MEAK7: variants seen among roughly 807,000 people sequenced by gnomAD.
MEAK7 encodes the protein MTOR associated protein MEAK7.
A neutral mutation model predicts 40.5 loss-of-function variants in MEAK7; 68 were observed. The ratio of observed to expected loss-of-function variants is 1.68; its 90% CI spans 1.38 to 2.06. The LOEUF is 2.06. MEAK7 is among the 30% of genes most tolerant of loss of function. The pLI is 0.00. For synonymous variants in MEAK7, 338 were observed against 231.9 expected, an observed-to-expected ratio of 1.46 and a Z score of -4.16; for missense variants, 918 against 580.5, an observed-to-expected ratio of 1.58 and a Z score of -5.98.
At chr16:84,489,978 G>C (rs1367203563) in intron 3 of MEAK7, among the ~76,000 whole-genome samples, 2 of 152,120 alleles carry the variant, frequency 1.3e-5, no homozygotes, top group Admixed American at 6.5e-5. Flanking sequence ...CCACTCCTAG[G>C]AAAGTAGATG....
At chr16:84,482,768 G>A (rs1173147528) in intron 5 of MEAK7, 58 bp from the exon 6 acceptor site, 3 of 1,599,724 alleles carry the variant, frequency 1.9e-6, no homozygotes, top group Non-Finnish European at 1.7e-6. Context: ...GTCCCACAGG[G>A]CCGGAAATGC....
At chr16:84,486,605 T>A (rs1913079142) in intron 5 of MEAK7, 26 bp downstream of exon 5, 2 of 1,568,382 alleles carry the variant, frequency 1.3e-6, no homozygotes, top group Non-Finnish European at 1.7e-6. Context: ...GTGCCACTCG[T>A]CAAGGTTCAG....
At chr16:84,488,116 T>C (rs1913254646) in intron 4 of MEAK7, 2 of 152,210 alleles carry the variant, frequency 1.3e-5, no homozygotes, top group East Asian at 1.9e-4. Flanking sequence ...TCATTACCTA[T>C]ATATTACTTG....
In MEAK7 at chr16:84,491,520, C is replaced by T. The variant is rs533577896; in HGVS notation, c.385-2098G>A. Among the ~76,000 whole-genome samples, 9 of 126,140 alleles carry T rather than the reference C, an allele frequency of 7.1e-5. No homozygotes were observed. In the East Asian group the frequency reaches 7.2e-4, roughly 10 times the overall value. 82.8% of individuals were successfully genotyped at this position (126,140 alleles called of 152,430 possible). On this transcript the variant is annotated intron_variant, in intron 3 of 7. Transcript: ENST00000343629. ...TGCCACTGCACTCCAGACTGGGCAA[C>T]GGAGCGAGACCCTGTCTTAAAAAAA...
At chr16:84,497,836 T>TG in intron 2 of MEAK7, 98 bp downstream of exon 2, 1 of 1,538,408 alleles carries the variant, frequency 6.5e-7, no homozygotes. Flanking sequence ...TTGCCATCCA[T>TG]CCCATTACAA....
intron 5 of MEAK7, 86 bp from the exon 6 acceptor site, chr16:84,482,796 G>C: frequency 6.4e-7 from 1 of 1,562,196 alleles, no homozygotes. Context: ...CTGCAGCTCA[G>C]GAAGCAACAG....
chr16:84,490,430 G>C (rs1297669346), intron 3 of MEAK7, among the ~76,000 whole-genome samples: 2 of 133,040 alleles, frequency 1.5e-5, no homozygotes, highest in African/African-American at 3.0e-5. Flanking sequence ...GGGCGGCTAA[G>C]TTTCTGCCCC....
intron 5 of MEAK7, among the ~76,000 whole-genome samples, chr16:84,483,707 G>A (rs1158851741): frequency 6.6e-6 from 1 of 152,158 alleles, no homozygotes; most frequent in Non-Finnish European, 1.5e-5. Context: ...ATCGCTGGGG[G>A]GCCTCTGCCA....
intron 1 of MEAK7, among the ~76,000 whole-genome samples, chr16:84,501,159 T>C (rs1914474127): frequency 7.8e-6 from 1 of 128,710 alleles, no homozygotes; most frequent in South Asian, 2.5e-4. Flanking sequence ...TGGGGATGGG[T>C]GTGGCCTGGG....
intron 1 of MEAK7, among the ~76,000 whole-genome samples, chr16:84,500,413 T>C (rs1914401597): frequency 6.6e-6 from 1 of 152,204 alleles, no homozygotes; most frequent in Admixed American, 6.5e-5. Flanking sequence ...CAGTAAAGCA[T>C]GAGCTTCCAT....
rs377700499 is a variant in MEAK7 at position 84,485,281 on chromosome 16, A to C, written c.958+1350T>G. Reference sequence around the variant, plus strand: ...GAGAATTCCCACCATTCCCAGAACTAAGATAAAGATCTAGAACATCCTGAA... The same window carrying C: ...GAGAATTCCCACCATTCCCAGAACTCAGATAAAGATCTAGAACATCCTGAA... On this transcript the variant is annotated intron_variant, in intron 5 of 7. Transcript: ENST00000343629. Among the ~76,000 whole-genome samples, 23 of 152,334 alleles carry C rather than the reference A, an allele frequency of 1.5e-4. No homozygotes were observed. The South Asian group carries it at 4.8e-3, about 32-fold the overall frequency.
At chr16:84,498,740 G>A (rs977817253) in intron 1 of MEAK7, among the ~76,000 whole-genome samples, 1 of 152,122 alleles carries the variant, frequency 6.6e-6, no homozygotes, top group African/African-American at 2.4e-5. Context: ...AAAAAAATCT[G>A]TATTTTAATC....
In MEAK7 at chr16:84,480,557, G is replaced by A. The variant is rs200862845; in HGVS notation, c.1229C>T (p.Ala410Val). 69 of 1,612,786 alleles carry A rather than the reference G, an allele frequency of 4.3e-5. No homozygotes were observed. Among genetic ancestry groups the A allele is most frequent in the East Asian group, 8.9e-5 (4 of 44,866 alleles). Reference sequence around the variant, plus strand: ...CTGCTCCTCTGAGGGGTCTCCAACCGCCCACACCTCCATCTTATCAAACTG... The same window carrying A: ...CTGCTCCTCTGAGGGGTCTCCAACCACCCACACCTCCATCTTATCAAACTG... ...NFQFDKMEVW[A>V]VGDPSEEQLA... The change falls in exon 7 of 8, where the codon GCG (alanine) becomes GTG (valine). Residue 410 changes from alanine to valine, a missense_variant. Coordinates refer to ENST00000343629, the MANE Select transcript of MEAK7 (RefSeq NM_020947.4).
intron 5 of MEAK7, among the ~76,000 whole-genome samples, chr16:84,484,503 A>G (rs1005054044): frequency 6.6e-6 from 1 of 152,318 alleles, no homozygotes; most frequent in South Asian, 2.1e-4. Flanking sequence ...GGGCCTTTTC[A>G]ATGATTGCAC....
Position 84,477,810 on chromosome 16 carries a change from C to G in MEAK7, c.*2103G>C, listed in dbSNP as rs1912180409. 1 of 152,210 alleles carries G rather than the reference C, an allele frequency of 6.6e-6. No individual in the cohort carries two copies. The highest frequency in any genetic ancestry group is 1.5e-5 in the Non-Finnish European group (1 of 68,078). The allele number at this position is 152,210 out of a possible 1,614,324, so 9.4% of individuals were successfully genotyped here. ...CTAAAAAGGTTTGAGTGTCCAGAGG[C>G]AGAACCGTGCACCAAGAGAAGCCCA... On this transcript the variant is annotated 3_prime_UTR_variant, in exon 8 of 8. Transcript: ENST00000343629.
chr16:84,498,695 C>CAT (rs1567505609), intron 1 of MEAK7, among the ~76,000 whole-genome samples: 1 of 152,128 alleles, frequency 6.6e-6, no homozygotes, highest in African/African-American at 2.4e-5. Context: ...GGTTTGAGAA[C>CAT]ATAGTGCCCA....
At position 84,478,797 on chromosome 16, in the gene MEAK7, C is replaced by T. The variant is rs1912252439; in HGVS notation, c.*1116G>A. ...CAAATGGCTGCACTGACAGCTGTGA[C>T]TCAGGCACTGGTTCCCAGAGATCTA... On this transcript the variant is annotated 3_prime_UTR_variant, in exon 8 of 8. Transcript: ENST00000343629. 1.3e-5 allele frequency: 2 copies of T among 152,274 alleles called. No individual in the cohort carries two copies. The highest frequency in any genetic ancestry group is 2.9e-5 in the Non-Finnish European group (2 of 68,084). The allele number at this position is 152,274 out of a possible 1,614,324, so 9.4% of individuals were successfully genotyped here. A position where few individuals can be genotyped will look rare whatever the true frequency, so the allele number is the denominator to read the frequency against.
intron 1 of MEAK7, among the ~76,000 whole-genome samples, chr16:84,501,613 G>C (rs1229159685): frequency 6.6e-6 from 1 of 152,134 alleles, no homozygotes; most frequent in South Asian, 2.1e-4. Flanking sequence ...GGAAAGGCTT[G>C]GACGCAGAGC....
chr16:84,501,680 A>C (rs1465907248), intron 1 of MEAK7, among the ~76,000 whole-genome samples: 2 of 152,096 alleles, frequency 1.3e-5, no homozygotes, highest in Non-Finnish European at 2.9e-5. Context: ...GGGAGGCCCC[A>C]GTAGGAACCC....
Sources: gnomAD v4.1 joint callset for allele counts (sites outside exome capture counted in the v4.1 genomes callset) on GRCh38, gnomAD v4.1.1 for gene constraint, MANE v1.5 for transcripts, NCBI Gene and HGNC (gene_info 2026-07-23, HGNC 2026-07-21) for gene names.